The following GJC1 variants were observed in gnomAD, a reference collection of about 807,000 sequenced individuals.
GJC1 encodes the protein gap junction gamma-1 protein.
A neutral mutation model predicts 29.3 loss-of-function variants in GJC1; 5 were observed. The ratio of observed to expected loss-of-function variants is 0.17; its 90% confidence interval spans 0.09 to 0.36. The LOEUF (loss-of-function observed/expected upper bound fraction) is 0.36. Among genes scored for constraint, GJC1 ranks in the 10% least tolerant of loss-of-function variants. GJC1 has a pLI of 1.00. For synonymous variants in GJC1, 177 were observed against 183.3 expected (o/e 0.97, Z 0.28); for missense variants, 310 against 496.2 (o/e 0.62, Z 3.56).
In GJC1 at chr17:44,800,982, G is replaced by A. The variant is rs1239068131; in HGVS notation, c.*3645C>T. The A allele has an allele frequency of 1.3e-5, 2 of 151,904 alleles. No homozygotes were observed. Among genetic ancestry groups the A allele is most frequent in the African/African-American group, 4.8e-5 (2 of 41,374 alleles). 9.4% of individuals were successfully genotyped at this position (151,904 alleles called of 1,614,324 possible). The stretch of plus-strand genomic sequence containing the variant: ...CTTTTACAAATCTTCTGAATAACGG[G>A]TTTTAAGAGCAGGCCAGGCGCGGTG... On this transcript the variant is annotated 3_prime_UTR_variant, in exon 3 of 3. Coordinates refer to ENST00000592524, the MANE Select transcript of GJC1 (RefSeq NM_005497.4).
rs776943360 is a variant in GJC1 at position 44,804,639 on chromosome 17, G to A, written c.1179C>T (p.Ser393=). Residue 393 remains serine (S), a synonymous_variant, in exon 3 of 3, where the codon TCC becomes TCT. Coordinates refer to ENST00000592524, the MANE Select transcript of GJC1 (RefSeq NM_005497.4). ...ASSKSGDGKT[S]VWI Reference sequence around the variant, plus strand: ...AAGCCCGCCAGGATTAAATCCAGACGGAGGTCTTCCCATCCCCTGATTTGC... The same window carrying A: ...AAGCCCGCCAGGATTAAATCCAGACAGAGGTCTTCCCATCCCCTGATTTGC... 97 of 1,611,552 alleles carry A rather than the reference G, an allele frequency of 6.0e-5. No homozygotes were observed. The highest frequency in any genetic ancestry group is 9.9e-5 in the South Asian group (9 of 90,754).
At chr17:44,823,248 G>GTTTT (rs10710605) in intron 1 of GJC1, among the ~76,000 whole-genome samples, 1,405 of 117,742 alleles carry the variant, frequency 0.012, 30 homozygotes, top group South Asian at 0.036. Flanking sequence ...TTTCTTTCCT[G>GTTTT]TTTTTTTTTT....
rs999348003 is a variant in GJC1, at chr17:44,805,016, C to T, written c.802G>A (p.Glu268Lys). The change falls in exon 3 of 3, where the codon GAA becomes AAA. Residue 268 changes from glutamate to lysine, a missense_variant. Glu to Lys is a moderately conservative substitution (Grantham distance 56). Coordinates refer to ENST00000592524, the MANE Select transcript of GJC1 (RefSeq NM_005497.4). This position sits in a 1 kb window ranked among gnomAD's most constrained non-coding sequence, Gnocchi z 5.1. Reference sequence around the variant, plus strand: ...TTATAAGCACCCGGATCCTCAAGTTCCCTCCTTTTACTGTTTAGTGAGTCT... The same window carrying T: ...TTATAAGCACCCGGATCCTCAAGTTTCCTCCTTTTACTGTTTAGTGAGTCT... ...IRDSLNSKRR[E>K]LEDPGAYNYP... 13 of 1,613,898 alleles carry T rather than the reference C, an allele frequency of 8.1e-6. No homozygotes were observed. The African/African-American group carries it at 1.3e-4, about 17-fold the overall frequency.
At chr17:44,794,581 T>C (rs1022077814), downstream of GJC1, 5 of 152,206 alleles carry the variant, frequency 3.3e-5, no homozygotes, top group African/African-American at 1.2e-4. Context: ...TGCTTTTCAG[T>C]GTTCCCAGCA....
intron 1 of GJC1, among the ~76,000 whole-genome samples, chr17:44,813,773 G>A (rs1186204672): frequency 6.6e-6 from 1 of 152,058 alleles, no homozygotes; most frequent in African/African-American, 2.4e-5. Flanking sequence ...GATTACAGGC[G>A]TGAGTCACCA....
chr17:44,800,067 TA>T lies in GJC1; in HGVS notation c.*4559del, dbSNP rs1271421027. On this transcript the variant is annotated 3_prime_UTR_variant, in exon 3 of 3. Transcript: ENST00000592524. ...TGAATTATTACATATTTATTACACA[TA>T]AATGAGTTTAAATTTTATTTCCAAA... is the stretch of plus-strand genomic sequence containing the variant. 6.6e-6 allele frequency: 1 copy of T among 152,202 alleles called. No homozygotes were observed. Among genetic ancestry groups the T allele is most frequent in the Non-Finnish European group, 1.5e-5 (1 of 68,040 alleles). 9.4% of individuals were successfully genotyped at this position (152,202 alleles called of 1,614,324 possible).
downstream of GJC1, among the ~76,000 whole-genome samples, chr17:44,796,990 G>GT (rs2049787611): frequency 6.6e-6 from 1 of 152,128 alleles, no homozygotes. Flanking sequence ...CGGACTACAG[G>GT]TGAGTACTAC....
downstream of GJC1, among the ~76,000 whole-genome samples, chr17:44,798,178 G>C (rs1393413462): frequency 1.3e-5 from 2 of 152,142 alleles, no homozygotes; most frequent in African/African-American, 4.8e-5. Flanking sequence ...AGCCACAGTA[G>C]TCCCAGAAGA....
intron 1 of GJC1, among the ~76,000 whole-genome samples, chr17:44,822,124 G>A (rs1263882604): frequency 6.1e-5 from 9 of 148,214 alleles, no homozygotes; most frequent in African/African-American, 2.2e-4. Flanking sequence ...GTGAACCTGG[G>A]AGGCGGAGCT....
chr17:44,801,601 T>C lies in GJC1; in HGVS notation c.*3026A>G, dbSNP rs1176689177. On this transcript the variant is annotated 3_prime_UTR_variant, in exon 3 of 3. Coordinates refer to ENST00000592524, the MANE Select transcript of GJC1 (RefSeq NM_005497.4). ...CTAGACATCAACAGGCTCACTTTCT[T>C]TTTTTCTTTTTTTTTTTTTGAGACA... 6.6e-6 allele frequency: 1 copy of C among 151,146 alleles called. No homozygotes were observed. Among genetic ancestry groups the C allele is most frequent in the Non-Finnish European group, 1.5e-5 (1 of 67,696 alleles). The allele number at this position is 151,146 out of a possible 1,614,324, so 9.4% of individuals were successfully genotyped here. A position where few individuals can be genotyped will look rare whatever the true frequency, so the allele number is the denominator to read the frequency against.
At chr17:44,825,146 A>C (rs2050158903) in intron 1 of GJC1, among the ~76,000 whole-genome samples, 1 of 140,428 alleles carries the variant, frequency 7.1e-6, no homozygotes. Flanking sequence ...GAGCACCACT[A>C]CACTTTAGCC....
At chr17:44,796,903 A>G (rs546560035), downstream of GJC1, among the ~76,000 whole-genome samples, 48 of 152,166 alleles carry the variant, frequency 3.2e-4, no homozygotes, top group Middle Eastern at 3.4e-3. Context: ...GGTGGCGTGC[A>G]GTGGCGCAAC....
chr17:44,800,619 A>G lies in GJC1; in HGVS notation c.*4008T>C, dbSNP rs532259693. 5 of 152,340 alleles carry G rather than the reference A, an allele frequency of 3.3e-5. No individual in the cohort carries two copies. The highest frequency in any genetic ancestry group is 1.2e-4 in the African/African-American group (5 of 41,590). 9.4% of individuals were successfully genotyped at this position (152,340 alleles called of 1,614,324 possible). A position where few individuals can be genotyped will look rare whatever the true frequency, so the allele number is the denominator to read the frequency against. On this transcript the variant is annotated 3_prime_UTR_variant, in exon 3 of 3. Transcript: ENST00000592524. ...CTTGTAGAAGCTGAACGAGTAAATC[A>G]TGAGTGTAACTGATAACATGTAAGT...
In GJC1 at chr17:44,805,492, T is replaced by C; in HGVS notation, c.326A>G (p.Lys109Arg). Residue 109 changes from lysine to arginine, a missense_variant, in exon 3 of 3, where the codon AAG becomes AGG. Coordinates refer to ENST00000592524, the MANE Select transcript of GJC1 (RefSeq NM_005497.4). The surrounding 1 kb of genome is among the most constrained non-coding windows in gnomAD (Gnocchi z 5.1). Reference protein sequence around the residue: ...IAKMEHGEADKKAARSKPYAM... With the variant: ...IAKMEHGEADRKAARSKPYAM... ...ATAGGGCTTGCTCCGAGCTGCCTTC[T>C]TGTCTGCTTCACCGTGCTCCATTTT... 6.2e-7 allele frequency: 1 copy of C among 1,614,210 alleles called. No homozygotes were observed. Among genetic ancestry groups the C allele is most frequent in the Non-Finnish European group, 8.5e-7 (1 of 1,180,040 alleles).
intron 2 of GJC1, among the ~76,000 whole-genome samples, chr17:44,806,217 A>G (rs1272857679): frequency 6.6e-6 from 1 of 152,146 alleles, no homozygotes; most frequent in African/African-American, 2.4e-5. Context: ...CCATCTCAAA[A>G]AAAAAGAATA....
At chr17:44,798,264 C>G (rs1030852273), downstream of GJC1, among the ~76,000 whole-genome samples, 5 of 152,146 alleles carry the variant, frequency 3.3e-5, no homozygotes, top group African/African-American at 1.2e-4. Flanking sequence ...TCAAGTATTC[C>G]CACCAAGATC....
Position 44,830,065 on chromosome 17 carries a change from G to A in GJC1, c.-100C>T, listed in dbSNP as rs904251370. The A allele has an allele frequency of 2.0e-5, 3 of 152,304 alleles. No individual in the cohort carries two copies. The highest frequency in any genetic ancestry group is 4.8e-5 in the African/African-American group (2 of 41,406). The allele number at this position is 152,304 out of a possible 1,614,324, so 9.4% of individuals were successfully genotyped here. On this transcript the variant is annotated 5_prime_UTR_variant, in exon 1 of 3. Transcript: ENST00000592524. This position sits in a 1 kb window ranked among gnomAD's most constrained non-coding sequence, Gnocchi z 4.3. Reference sequence around the variant, plus strand: ...CGGCCCTGCGGCCGCCCCTCACCCGGCGGCGGGTTCCCCCGGAGCCGCCTC... The same window carrying A: ...CGGCCCTGCGGCCGCCCCTCACCCGACGGCGGGTTCCCCCGGAGCCGCCTC...
At chr17:44,811,726 C>T (rs1374347866) in intron 1 of GJC1, among the ~76,000 whole-genome samples, 2 of 151,840 alleles carry the variant, frequency 1.3e-5, no homozygotes, top group South Asian at 2.1e-4. Flanking sequence ...AAAAATAGGC[C>T]GGCGCGGTGG....
At chr17:44,811,962 C>T (rs1390574307) in intron 1 of GJC1, among the ~76,000 whole-genome samples, 1 of 151,042 alleles carries the variant, frequency 6.6e-6, no homozygotes, top group Non-Finnish European at 1.5e-5. Context: ...GAGATCGTCC[C>T]ATTGCACTCC....
Sources: gnomAD v4.1 joint callset for allele counts (sites outside exome capture counted in the v4.1 genomes callset) on GRCh38, gnomAD v4.1.1 for gene constraint, Gnocchi (gnomAD v3.1) non-coding constraint, MANE v1.5 for transcripts, NCBI Gene and HGNC (gene_info 2026-07-23, HGNC 2026-07-21) for gene names.